The following IMMP2L variants were observed in gnomAD, a reference collection of about 807,000 sequenced individuals.
IMMP2L encodes the protein inner mitochondrial membrane peptidase subunit 2.
A neutral mutation model predicts 19.3 loss-of-function variants in IMMP2L; 18 were observed. The observed-to-expected ratio is 0.93, with a 90% CI of 0.64 to 1.38. IMMP2L has a LOEUF of 1.38. Ranked by LOEUF, IMMP2L falls within the 40% of genes most tolerant of loss-of-function variation. The probability of loss-of-function intolerance (pLI) is 0.00; values close to 1 mark genes in which losing one functional copy is unlikely to be tolerated. For synonymous variants in IMMP2L, 76 were observed against 73.0 expected, an observed-to-expected ratio of 1.04 and a Z score of -0.21; for missense variants, 233 against 218.2, an observed-to-expected ratio of 1.07 and a Z score of -0.43.
At chr7:111,529,207 G>T (rs1275403408) in intron 1 of IMMP2L, among the ~76,000 whole-genome samples, 1 of 152,132 alleles carries the variant, frequency 6.6e-6, no homozygotes, top group African/African-American at 2.4e-5. Context: ...CATCCTCCAC[G>T]GATCTTTCTA....
intron 3 of IMMP2L, among the ~76,000 whole-genome samples, chr7:111,002,197 G>A (rs1823780872): frequency 6.6e-6 from 1 of 152,128 alleles, no homozygotes; most frequent in African/African-American, 2.4e-5. Context: ...AATCAGTACA[G>A]AGTAGAAGAC....
chr7:111,136,574 G>C (rs1214049868), intron 3 of IMMP2L, among the ~76,000 whole-genome samples: 1 of 152,148 alleles, frequency 6.6e-6, no homozygotes, highest in Non-Finnish European at 1.5e-5. Context: ...CTCTGGATAT[G>C]ATTCAAGTCA....
At chr7:111,503,427 T>C (rs972295422) in intron 2 of IMMP2L, among the ~76,000 whole-genome samples, 11 of 152,132 alleles carry the variant, frequency 7.2e-5, no homozygotes, top group South Asian at 2.1e-4. Flanking sequence ...CTGAAACTAT[T>C]CCAATCAATA....
At chr7:111,215,158 G>A (rs1351488454) in intron 3 of IMMP2L, among the ~76,000 whole-genome samples, 3 of 151,938 alleles carry the variant, frequency 2.0e-5, no homozygotes, top group Non-Finnish European at 4.4e-5. Context: ...CATTATATAT[G>A]TACAAGAAAA....
intron 3 of IMMP2L, among the ~76,000 whole-genome samples, chr7:111,262,083 CAATA>C (rs1232394889): frequency 6.6e-6 from 1 of 152,000 alleles, no homozygotes; most frequent in Non-Finnish European, 1.5e-5. Context: ...AGAATTCAAT[CAATA>C]AATACACAGT....
intron 5 of IMMP2L, among the ~76,000 whole-genome samples, chr7:110,841,588 A>G (rs562181118): frequency 5.9e-5 from 9 of 152,256 alleles, no homozygotes; most frequent in South Asian, 2.1e-4. Context: ...TTCTTTTATC[A>G]TAATAGATAT....
chr7:111,385,882 G>C (rs73203013), intron 3 of IMMP2L, among the ~76,000 whole-genome samples: 1 of 151,864 alleles, frequency 6.6e-6, no homozygotes, highest in Admixed American at 6.6e-5. Context: ...AGTAAGGCGG[G>C]GTGAAGGAAT....
intron 5 of IMMP2L, among the ~76,000 whole-genome samples, chr7:110,702,673 T>G (rs976660087): frequency 5.9e-5 from 9 of 152,214 alleles, no homozygotes; most frequent in African/African-American, 2.2e-4. Context: ...GTTTTAATGC[T>G]ATTATAAATA....
intron 5 of IMMP2L, among the ~76,000 whole-genome samples, chr7:110,675,983 C>T (rs963605702): frequency 2.0e-5 from 3 of 152,116 alleles, no homozygotes; most frequent in African/African-American, 7.2e-5. Context: ...ATAACCTCTC[C>T]TACTACTAAA....
intron 3 of IMMP2L, among the ~76,000 whole-genome samples, chr7:110,981,217 ACTG>A (rs202200074): frequency 0.014 from 2,161 of 152,236 alleles, 24 homozygotes; most frequent in Non-Finnish European, 0.022. Context: ...AATGTAATCA[ACTG>A]CTTTTTCTTT....
At chr7:111,038,781 A>G (rs2129570465) in intron 3 of IMMP2L, among the ~76,000 whole-genome samples, 1 of 152,346 alleles carries the variant, frequency 6.6e-6, no homozygotes. Context: ...AGCATAGTTA[A>G]AAATTAAAGG....
chr7:111,142,055 G>A (rs1045020392), intron 3 of IMMP2L, among the ~76,000 whole-genome samples: 4 of 152,134 alleles, frequency 2.6e-5, no homozygotes, highest in Non-Finnish European at 5.9e-5. Flanking sequence ...GTCAGGCACG[G>A]TGGCTCATGC....
chr7:110,847,052 T>C (rs1349382103), intron 5 of IMMP2L, among the ~76,000 whole-genome samples: 1 of 152,208 alleles, frequency 6.6e-6, no homozygotes, highest in Non-Finnish European at 1.5e-5. Flanking sequence ...TTAAGAAATA[T>C]TTTGTTATGT....
At chr7:110,919,042 C>G (rs1813958992) in intron 4 of IMMP2L, among the ~76,000 whole-genome samples, 2 of 152,102 alleles carry the variant, frequency 1.3e-5, no homozygotes, top group South Asian at 4.2e-4. Flanking sequence ...TAATAACCTT[C>G]AAACAGCAGC....
chr7:111,530,206 A>G (rs998211399), intron 1 of IMMP2L, among the ~76,000 whole-genome samples: 3 of 152,188 alleles, frequency 2.0e-5, no homozygotes, highest in Non-Finnish European at 2.9e-5. Context: ...GAGGTTCAAA[A>G]TGTTCATATG....
intron 3 of IMMP2L, among the ~76,000 whole-genome samples, chr7:111,155,306 C>T (rs75715769): frequency 0.02 from 2,978 of 152,138 alleles, 115 homozygotes; most frequent in African/African-American, 0.069. Context: ...AGCAACAAAG[C>T]TGGATAATAA....
chr7:110,836,967 A>G (rs569581557), intron 5 of IMMP2L, among the ~76,000 whole-genome samples: 1 of 152,282 alleles, frequency 6.6e-6, no homozygotes, highest in South Asian at 2.1e-4. Context: ...GTCCATTACT[A>G]TTTAAAGGTG....
chr7:111,356,486 T>A lies in IMMP2L; in HGVS notation c.239+130752A>T, dbSNP rs76840585. Among the ~76,000 whole-genome samples the A allele has an allele frequency of 5.5e-3, 838 of 152,242 alleles. 14 individuals carry two copies. The highest frequency in any genetic ancestry group is 0.019 in the African/African-American group (769 of 41,540). ...CTATGTTATATCAGGGATTTGAGCA[T>A]CCTCGGATTCTGGTATCAAGGGAGG... On this transcript the variant is annotated intron_variant, in intron 3 of 5. Coordinates refer to ENST00000405709, the MANE Select transcript of IMMP2L (RefSeq NM_032549.4).
chr7:111,440,034 T>C (rs74698150), intron 3 of IMMP2L, among the ~76,000 whole-genome samples: 3,150 of 151,990 alleles, frequency 0.021, 198 homozygotes, highest in African/African-American at 0.072. Context: ...ATTGTAGCAA[T>C]TCAATCAAAT....
Sources: gnomAD v4.1 joint callset for allele counts (sites outside exome capture counted in the v4.1 genomes callset) on GRCh38, gnomAD v4.1.1 for gene constraint, MANE v1.5 for transcripts, NCBI Gene and HGNC (gene_info 2026-07-23, HGNC 2026-07-21) for gene names.